The following GNA12 variants were observed in gnomAD, a reference collection of about 807,000 sequenced individuals.
GNA12 encodes guanine nucleotide-binding protein subunit alpha-12.
In GNA12, 9 loss-of-function variants were observed where a neutral mutation model predicts 26.0. The observed-to-expected ratio is 0.35, with a 90% CI of 0.21 to 0.60. GNA12 has a LOEUF of 0.60. Among genes scored for constraint, GNA12 ranks in the 20% least tolerant of loss-of-function variants. GNA12 has a pLI of 0.78. For synonymous variants in GNA12, 264 were observed against 219.6 expected (o/e 1.20, Z -1.79); for missense variants, 405 against 525.8 (o/e 0.77, Z 2.25).
At chr7:2,752,406 CT>C (rs554871963) in intron 2 of GNA12, among the ~76,000 whole-genome samples, 12 of 152,288 alleles carry the variant, frequency 7.9e-5, no homozygotes, top group African/African-American at 2.9e-4. Flanking sequence ...ACTTTTACTG[CT>C]TCTGGTCAAT....
At chr7:2,839,118 C>A (rs375452600) in intron 1 of GNA12, among the ~76,000 whole-genome samples, 11 of 152,212 alleles carry the variant, frequency 7.2e-5, no homozygotes, top group South Asian at 4.1e-4. Context: ...CCAAATAGAC[C>A]GTATCCTAGG....
At chr7:2,737,426 C>T (rs1449061171) in intron 2 of GNA12, among the ~76,000 whole-genome samples, 2 of 151,750 alleles carry the variant, frequency 1.3e-5, no homozygotes, top group Non-Finnish European at 2.9e-5. Context: ...GTAGTTGGGA[C>T]TACAGGCGTG....
chr7:2,794,879 T>A (rs1398197359), intron 2 of GNA12, 49 bp downstream of exon 2: 2 of 1,305,472 alleles, frequency 1.5e-6, no homozygotes, highest in African/African-American at 1.4e-5. Context: ...AAAATAGTCA[T>A]GTAAAAAACA....
chr7:2,750,029 T>A (rs1790953098), intron 2 of GNA12, among the ~76,000 whole-genome samples: 1 of 152,110 alleles, frequency 6.6e-6, no homozygotes, highest in African/African-American at 2.4e-5. Flanking sequence ...AGACATAAAT[T>A]TACAGATTTC....
At chr7:2,783,882 A>C (rs1300240481) in intron 2 of GNA12, among the ~76,000 whole-genome samples, 3 of 151,778 alleles carry the variant, frequency 2.0e-5, no homozygotes, top group Admixed American at 1.3e-4. Flanking sequence ...ACAGGGTTTC[A>C]CCACATTGGC....
chr7:2,835,913 C>G (rs373295505), intron 1 of GNA12: 1 of 539,866 alleles, frequency 1.9e-6, no homozygotes, highest in Non-Finnish European at 3.5e-6. Context: ...CAAGAAGCAA[C>G]TGACGCCTTA....
intron 2 of GNA12, among the ~76,000 whole-genome samples, chr7:2,742,284 G>A (rs2115331851): frequency 6.6e-6 from 1 of 152,248 alleles, no homozygotes; most frequent in Admixed American, 6.5e-5. Flanking sequence ...CCAAAGTGCT[G>A]GGATTACAGG....
chr7:2,831,322 T>C (rs570205814), intron 1 of GNA12, among the ~76,000 whole-genome samples: 5 of 152,082 alleles, frequency 3.3e-5, no homozygotes, highest in Admixed American at 3.3e-4. Flanking sequence ...TCGATCCATA[T>C]CTATCTAATC....
rs190107158 is a variant in GNA12 at position 2,752,609 on chromosome 7, A to G, written c.526-19108T>C. On this transcript the variant is annotated intron_variant, in intron 2 of 3. Transcript: ENST00000275364. ...TCCGTGAGTTCAGCACATTCACAAG[A>G]TAAGAGATTACTACACAAAAATCAA... Among the ~76,000 whole-genome samples the G allele has an allele frequency of 1.3e-3, 205 of 152,354 alleles. 2 individuals are homozygous for G. Among genetic ancestry groups the G allele is most frequent in the African/African-American group, 4.5e-3 (187 of 41,582 alleles).
At position 2,731,899 on chromosome 7, in the gene GNA12, C is replaced by T. The variant is rs1198636422; in HGVS notation, c.577-149G>A. The T allele has an allele frequency of 5.8e-6, 3 of 519,562 alleles. No individual in the cohort carries two copies. Among genetic ancestry groups the T allele is most frequent in the Non-Finnish European group, 1.0e-5 (3 of 295,596 alleles). 32.2% of individuals were successfully genotyped at this position (519,562 alleles called of 1,614,324 possible). A position where few individuals can be genotyped will look rare whatever the true frequency, so the allele number is the denominator to read the frequency against. ...AACCAAAAGCAAATTTCATTTATAACATTATCAACTGGCCGTGAAACAGAA... is the reference window on the plus strand; with the variant it reads ...AACCAAAAGCAAATTTCATTTATAATATTATCAACTGGCCGTGAAACAGAA... On this transcript the variant is annotated intron_variant, in intron 3 of 3. Coordinates refer to ENST00000275364, the MANE Select transcript of GNA12 (RefSeq NM_007353.3). This position sits in a 1 kb window ranked among gnomAD's most constrained non-coding sequence, Gnocchi z 6.0.
intron 1 of GNA12, among the ~76,000 whole-genome samples, chr7:2,797,916 T>C (rs1401112179): frequency 6.6e-6 from 1 of 152,072 alleles, no homozygotes; most frequent in East Asian, 1.9e-4. Flanking sequence ...GAAAGACAAA[T>C]GTATGGATAA....
intron 2 of GNA12, among the ~76,000 whole-genome samples, chr7:2,734,294 C>A (rs948992268): frequency 6.6e-6 from 1 of 152,200 alleles, no homozygotes; most frequent in Non-Finnish European, 1.5e-5. Context: ...CGCAATGAGT[C>A]CCTTCAAAGG....
intron 2 of GNA12, among the ~76,000 whole-genome samples, chr7:2,784,514 T>C (rs1473426733): frequency 6.6e-6 from 1 of 152,272 alleles, no homozygotes; most frequent in African/African-American, 2.4e-5. Flanking sequence ...TGACACAAAC[T>C]GTGGAACTTC....
intron 1 of GNA12, among the ~76,000 whole-genome samples, chr7:2,803,336 G>C (rs1032232293): frequency 6.6e-6 from 1 of 152,154 alleles, no homozygotes; most frequent in African/African-American, 2.4e-5. Context: ...GGGGACGATC[G>C]AGGGCTTTGG....
At chr7:2,734,395 T>C (rs1562392225) in intron 2 of GNA12, among the ~76,000 whole-genome samples, 1 of 152,232 alleles carries the variant, frequency 6.6e-6, no homozygotes, top group African/African-American at 2.4e-5. Flanking sequence ...GGGTCAAGGC[T>C]TCCAGGCTGC....
At chr7:2,770,608 C>T (rs1294684762) in intron 2 of GNA12, among the ~76,000 whole-genome samples, 3 of 152,078 alleles carry the variant, frequency 2.0e-5, no homozygotes, top group Non-Finnish European at 4.4e-5. Flanking sequence ...TGAGCTCCAG[C>T]CTGGGCCACA....
chr7:2,807,918 C>T (rs913442383), intron 1 of GNA12, among the ~76,000 whole-genome samples: 13 of 152,270 alleles, frequency 8.5e-5, no homozygotes, highest in Admixed American at 6.5e-4. Context: ...AAAACCTGTT[C>T]GCGCAGAAAC....
At chr7:2,755,601 C>T (rs1791254665) in intron 2 of GNA12, among the ~76,000 whole-genome samples, 1 of 152,166 alleles carries the variant, frequency 6.6e-6, no homozygotes, top group African/African-American at 2.4e-5. Context: ...ATCTTGTATC[C>T]TGTAGCCTTG....
At chr7:2,823,989 C>T (rs143665841) in intron 1 of GNA12, among the ~76,000 whole-genome samples, 30 of 152,320 alleles carry the variant, frequency 2.0e-4, no homozygotes, top group Middle Eastern at 3.4e-3. Context: ...ATTCTTTTTG[C>T]TCACATTCAA....
Sources: gnomAD v4.1 joint callset for allele counts (sites outside exome capture counted in the v4.1 genomes callset) on GRCh38, gnomAD v4.1.1 for gene constraint, Gnocchi (gnomAD v3.1) non-coding constraint, MANE v1.5 for transcripts, NCBI Gene and HGNC (gene_info 2026-07-23, HGNC 2026-07-21) for gene names.